PTPRA: variants seen among roughly 807,000 people sequenced by gnomAD.
The protein encoded by PTPRA is protein tyrosine phosphatase receptor type A.
Under a neutral mutation model 104.8 loss-of-function variants are expected in PTPRA, and 25 were observed. The ratio of observed to expected loss-of-function variants is 0.24; its 90% confidence interval spans 0.17 to 0.33. PTPRA has a LOEUF of 0.33. Among genes scored for constraint, PTPRA ranks in the 10% least tolerant of loss-of-function variants. The pLI, the probability that PTPRA is intolerant of heterozygous loss-of-function variation, is 1.00. For missense variants in PTPRA, 765 were observed against 1,015.3 expected (o/e 0.75, Z 3.35); for synonymous variants, 323 against 368.9 (o/e 0.88, Z 1.43).
At chr20:3,025,647 A>T (rs990119258) in intron 17 of PTPRA, among the ~76,000 whole-genome samples, 9 of 151,580 alleles carry the variant, frequency 5.9e-5, no homozygotes, top group Admixed American at 5.9e-4. Context: ...AGTCAGGCAG[A>T]TCACCTGAGC....
At chr20:2,916,144 A>C (rs964235660) in intron 1 of PTPRA, among the ~76,000 whole-genome samples, 1 of 152,022 alleles carries the variant, frequency 6.6e-6, no homozygotes, top group Non-Finnish European at 1.5e-5. Flanking sequence ...GGCTCAAGCT[A>C]TCCTCCCACC....
At chr20:2,928,903 C>T (rs2060406514) in intron 2 of PTPRA, among the ~76,000 whole-genome samples, 1 of 150,152 alleles carries the variant, frequency 6.7e-6, no homozygotes, top group South Asian at 2.1e-4. Flanking sequence ...CATCACAGCT[C>T]ACTGCAGCCT....
intron 1 of PTPRA, among the ~76,000 whole-genome samples, chr20:2,909,375 G>GCTGAGGCTGAGGTCAGT (rs2059541048): frequency 3.3e-5 from 5 of 152,056 alleles, no homozygotes; most frequent in Non-Finnish European, 7.4e-5. Context: ...CTGAGGTCAG[G>GCTGAGGCTGAGGTCAGT]AGTTTGAGAC....
At chr20:2,864,226 A>G in the PTPRA span, 1 of 1,614,188 alleles carries the variant, frequency 6.2e-7, no homozygotes. This position sits in a 1 kb window ranked among gnomAD's most constrained non-coding sequence, Gnocchi z 5.2. Context: ...CCCTTCTCCT[A>G]AAGATGAAGA....
intron 1 of PTPRA, among the ~76,000 whole-genome samples, chr20:2,915,404 A>G (rs530218370): frequency 3.9e-5 from 6 of 152,252 alleles, no homozygotes; most frequent in African/African-American, 1.2e-4. Flanking sequence ...CCATTAGTAT[A>G]TATTCTTTGG....
chr20:3,003,700 A>ATTTTT (rs59358849), intron 9 of PTPRA, among the ~76,000 whole-genome samples: 2 of 105,546 alleles, frequency 1.9e-5, no homozygotes, highest in Admixed American at 9.7e-5. Flanking sequence ...ATACCTGGCT[A>ATTTTT]TTTTTTTTTT....
At chr20:3,032,670 G>A (rs1365239744) in intron 20 of PTPRA, among the ~76,000 whole-genome samples, 2 of 151,670 alleles carry the variant, frequency 1.3e-5, no homozygotes, top group South Asian at 2.1e-4. Flanking sequence ...GGAGGCTGAG[G>A]CAGGAGAATC....
chr20:2,955,644 T>A, intron 3 of PTPRA: 1 of 985,376 alleles, frequency 1.0e-6, no homozygotes, highest in Non-Finnish European at 1.2e-6. Context: ...TTCAAGCTGA[T>A]TTCTCTCACT....
At chr20:2,990,699 C>G (rs1275021566) in intron 9 of PTPRA, among the ~76,000 whole-genome samples, 1 of 152,058 alleles carries the variant, frequency 6.6e-6, no homozygotes, top group African/African-American at 2.4e-5. Flanking sequence ...CCACTGCACC[C>G]CAGCCTGGAC....
intron 1 of PTPRA, among the ~76,000 whole-genome samples, chr20:2,881,575 G>A (rs1303163858): frequency 6.6e-6 from 1 of 152,098 alleles, no homozygotes; most frequent in African/African-American, 2.4e-5. Context: ...GAGTACAGTG[G>A]CACAATGATA....
chr20:2,969,920 A>G (rs1370534184), intron 5 of PTPRA, among the ~76,000 whole-genome samples: 1 of 151,944 alleles, frequency 6.6e-6, no homozygotes, highest in East Asian at 1.9e-4. Context: ...CAGTGAGCCG[A>G]GATTGCGCCA....
At chr20:2,948,873 A>G (rs1490738182) in intron 3 of PTPRA, among the ~76,000 whole-genome samples, 2 of 151,860 alleles carry the variant, frequency 1.3e-5, no homozygotes, top group Admixed American at 6.6e-5. Context: ...AATGGCGTGA[A>G]CCCGGGAGGC....
In PTPRA at chr20:2,931,540, G is replaced by A. The variant is rs186095496; in HGVS notation, c.-50+8255G>A. ...TTTGTTTTGATTTGAGCCTTTGTGT[G>A]GGAGAAAGGATATGGCGAGAAGAAC... On this transcript the variant is annotated intron_variant, in intron 2 of 23. Coordinates refer to ENST00000399903, the MANE Select transcript of PTPRA (RefSeq NM_001385305.1). Among the ~76,000 whole-genome samples the A allele has an allele frequency of 5.3e-3, 809 of 152,262 alleles. 9 individuals carry two copies. The highest frequency in any genetic ancestry group is 0.017 in the Middle Eastern group (5 of 294).
At chr20:2,983,791 G>A (rs1406875635) in intron 6 of PTPRA, among the ~76,000 whole-genome samples, 1 of 152,066 alleles carries the variant, frequency 6.6e-6, no homozygotes, top group African/African-American at 2.4e-5. Flanking sequence ...GAAATTTAAA[G>A]TGGAGGTGGC....
At chr20:2,933,700 G>A (rs183346961) in intron 2 of PTPRA, among the ~76,000 whole-genome samples, 200 of 152,204 alleles carry the variant, frequency 1.3e-3, no homozygotes, top group Middle Eastern at 3.4e-3. Context: ...GACCTCAAGT[G>A]ATTTGCCTCC....
In PTPRA at chr20:3,026,076, G is replaced by T. The variant is rs184871866; in HGVS notation, c.1615-611G>T. Among the ~76,000 whole-genome samples the T allele has an allele frequency of 8.9e-3, 1,348 of 151,666 alleles. 10 individuals are homozygous for T. Among genetic ancestry groups the T allele is most frequent in the Non-Finnish European group, 0.014 (944 of 67,924 alleles). The stretch of plus-strand genomic sequence containing the variant: ...TTCTTCTGTCTCAGCCTCCTAAGTA[G>T]CTGGGTCTACAGGCACGTGCCACTA... On this transcript the variant is annotated intron_variant, in intron 17 of 23. Transcript: ENST00000399903.
At chr20:2,917,391 G>A (rs1219519735) in intron 1 of PTPRA, among the ~76,000 whole-genome samples, 2 of 152,032 alleles carry the variant, frequency 1.3e-5, no homozygotes, top group South Asian at 2.1e-4. Context: ...AATTTCATGA[G>A]AGATTATTTC....
At chr20:2,910,408 G>GTATATTATATATTTTATATATTA (rs376392877) in intron 1 of PTPRA, among the ~76,000 whole-genome samples, 1 of 60,914 alleles carries the variant, frequency 1.6e-5, no homozygotes, top group Non-Finnish European at 3.3e-5. Flanking sequence ...AATATATTTT[G>GTATATTATATATTTTATATATTA]TATATTATAT....
rs574439749 is a variant in PTPRA, at chr20:2,903,912, CT to C, written c.-128-19283del. Among the ~76,000 whole-genome samples the C allele has an allele frequency of 6.4e-3, 936 of 146,078 alleles. 11 individuals are homozygous for C. The highest frequency in any genetic ancestry group is 0.021 in the African/African-American group (836 of 40,154). ...GGATTTGCTTGGTGGGTTTCCATAA[CT>C]TTTTTTTTTTTGAGACTGGATCTTT... is the stretch of plus-strand genomic sequence containing the variant. On this transcript the variant is annotated intron_variant, in intron 1 of 23. Coordinates refer to ENST00000399903, the MANE Select transcript of PTPRA (RefSeq NM_001385305.1).
Sources: gnomAD v4.1 joint callset for allele counts (sites outside exome capture counted in the v4.1 genomes callset) on GRCh38, gnomAD v4.1.1 for gene constraint, Gnocchi (gnomAD v3.1) non-coding constraint, MANE v1.5 for transcripts, NCBI Gene and HGNC (gene_info 2026-07-23, HGNC 2026-07-21) for gene names.